Variants in SLC46A1 observed in about 807,000 individuals in gnomAD.
The protein encoded by SLC46A1 is solute carrier family 46 member 1, also known as proton-coupled folate transporter.
A neutral mutation model predicts 32.1 loss-of-function variants in SLC46A1; 17 were observed. The ratio of observed to expected loss-of-function variants is 0.53; its 90% confidence interval spans 0.36 to 0.79. The LOEUF (loss-of-function observed/expected upper bound fraction) is 0.79, where lower values mean the gene tolerates loss of function less well. Among genes scored for constraint, SLC46A1 ranks in the 30% least tolerant of loss-of-function variants. The probability of loss-of-function intolerance (pLI) is 0.00; values close to 1 mark genes in which losing one functional copy is unlikely to be tolerated. For missense variants in SLC46A1, 517 were observed against 588.2 expected, an observed-to-expected ratio of 0.88 and a Z score of 1.25; for synonymous variants, 240 against 262.7, an observed-to-expected ratio of 0.91 and a Z score of 0.84.
Position 28,402,259 on chromosome 17 carries a change from G to T in SLC46A1, c.1144C>A (p.Leu382Met), listed in dbSNP as rs782067170. ...TCACCCTGCTCTGTCTCTCTCACCAGCTTGGAGAGTTTAGCCCGGATGACA... is the reference window on the plus strand; with the variant it reads ...TCACCCTGCTCTGTCTCTCTCACCATCTTGGAGAGTTTAGCCCGGATGACA... ...TPVIRAKLSK[L>M]VRETEQGALF... Residue 382 changes from leucine to methionine, a missense_variant, in exon 3 of 5, where the codon CTG becomes ATG. Physicochemically the swap from Leu to Met is conservative, Grantham distance 15. Coordinates refer to ENST00000612814, the MANE Select transcript of SLC46A1 (RefSeq NM_080669.6). The T allele has an allele frequency of 3.1e-6, 5 of 1,613,544 alleles. No homozygotes were observed. In the Admixed American group the frequency reaches 8.3e-5, roughly 27 times the overall value.
chr17:28,404,167 G>C (rs540080798), intron 2 of SLC46A1: 1 of 163,212 alleles, frequency 6.1e-6, no homozygotes, highest in South Asian at 1.6e-4. Flanking sequence ...TTTCATATCT[G>C]TGGTCCGAGA....
intron 4 of SLC46A1, chr17:28,399,934 T>C (rs543888065): frequency 7.4e-6 from 4 of 539,678 alleles, no homozygotes; most frequent in African/African-American, 5.7e-5. Context: ...TGCTCTGTTG[T>C]CCAGGCTGGA....
chr17:28,396,021 T>C lies in SLC46A1; in HGVS notation c.*3635A>G, dbSNP rs782685680. Reference sequence around the variant, plus strand: ...TGCAGGCTGTGCTTACTTTCAACGGTATCAAGTGAGCCCCAGGGCCCTGGG... The same window carrying C: ...TGCAGGCTGTGCTTACTTTCAACGGCATCAAGTGAGCCCCAGGGCCCTGGG... On this transcript the variant is annotated 3_prime_UTR_variant, in exon 5 of 5. Transcript: ENST00000612814. The C allele has an allele frequency of 2.4e-5, 39 of 1,613,666 alleles. No individual in the cohort carries two copies. The highest frequency in any genetic ancestry group is 3.2e-5 in the Non-Finnish European group (38 of 1,179,814).
chr17:28,402,402 A>G, intron 2 of SLC46A1, 81 bp from the exon 3 acceptor site: 4 of 1,239,058 alleles, frequency 3.2e-6, no homozygotes, highest in African/African-American at 1.5e-5. Flanking sequence ...GCTCCTATCC[A>G]TACCCCACGT....
At chr17:28,405,726 A>T in intron 1 of SLC46A1, 161 bp downstream of exon 1, 2 of 981,356 alleles carry the variant, frequency 2.0e-6, no homozygotes, top group Non-Finnish European at 2.9e-6. Flanking sequence ...CCACCCGCTG[A>T]GGTTCTCGGT....
chr17:28,396,303 C>T lies in SLC46A1; in HGVS notation c.*3353G>A. 2 of 1,613,598 alleles carry T rather than the reference C, an allele frequency of 1.2e-6. No individual in the cohort carries two copies. The highest frequency in any genetic ancestry group is 1.7e-6 in the Non-Finnish European group (2 of 1,179,710). On this transcript the variant is annotated 3_prime_UTR_variant, in exon 5 of 5. Coordinates refer to ENST00000612814, the MANE Select transcript of SLC46A1 (RefSeq NM_080669.6). Reference sequence around the variant, plus strand: ...CCAACCTAACCAGTCCCCAGTTCCCCAGCCCTGCTGTGACTTCCATTTCCA... The same window carrying T: ...CCAACCTAACCAGTCCCCAGTTCCCTAGCCCTGCTGTGACTTCCATTTCCA...
In SLC46A1 at chr17:28,398,861, T is replaced by C. The variant is rs1318022271; in HGVS notation, c.*795A>G. ...TCTAGCCGTTCCTAGTGGGGCTTGC[T>C]CAAGGTTGCACAGCGAGTCAGTAGA... On this transcript the variant is annotated 3_prime_UTR_variant, in exon 5 of 5. Coordinates refer to ENST00000612814, the MANE Select transcript of SLC46A1 (RefSeq NM_080669.6). 2.6e-5 allele frequency: 4 copies of C among 152,230 alleles called. No individual in the cohort carries two copies. Among genetic ancestry groups the C allele is most frequent in the Non-Finnish European group, 5.9e-5 (4 of 68,070 alleles). 9.4% of individuals were successfully genotyped at this position (152,230 alleles called of 1,614,324 possible).
At chr17:28,404,275 T>C (rs1597834139) in intron 2 of SLC46A1, 10 of 332,926 alleles carry the variant, frequency 3.0e-5, no homozygotes, top group South Asian at 2.3e-4. Flanking sequence ...ATTAATGGCA[T>C]GGACTTTGTT....
At chr17:28,402,123 T>G in intron 3 of SLC46A1, 115 bp downstream of exon 3, 3 of 844,806 alleles carry the variant, frequency 3.6e-6, no homozygotes, top group Non-Finnish European at 5.5e-6. Flanking sequence ...GCCACTTACT[T>G]CTCCAGGGTG....
chr17:28,406,343 G>C, upstream of SLC46A1: 1 of 413,720 alleles, frequency 2.4e-6, no homozygotes, highest in Non-Finnish European at 4.2e-6. This position sits in a 1 kb window ranked among gnomAD's most constrained non-coding sequence, Gnocchi z 4.5. Context: ...CCCAGCCCGC[G>C]GGATGACCTC....
At position 28,399,794 on chromosome 17, in the gene SLC46A1, T is replaced by G. The variant is rs1016178605; in HGVS notation, c.1323-81A>C. 4 of 1,460,618 alleles carry G rather than the reference T, an allele frequency of 2.7e-6. No individual in the cohort carries two copies. The African/African-American group carries it at 5.6e-5, about 20-fold the overall frequency. 90.5% of individuals were successfully genotyped at this position (1,460,618 alleles called of 1,614,324 possible). On this transcript the variant is annotated intron_variant, in intron 4 of 4. Transcript: ENST00000612814. ...TCTGGAGAAGTGACACAGGATTTAC[T>G]GGGGTGGGCTGGTCCAGGTAGCTCT...
chr17:28,400,497 C>A, intron 4 of SLC46A1, 113 bp downstream of exon 4: 3 of 1,435,358 alleles, frequency 2.1e-6, no homozygotes, highest in Admixed American at 4.3e-5. Flanking sequence ...GGACAAGACA[C>A]CCAGAGGGTA....
intron 1 of SLC46A1, 193 bp from the exon 2 acceptor site, chr17:28,405,661 T>G (rs782383675): frequency 1.7e-4 from 168 of 975,534 alleles, no homozygotes; most frequent in Non-Finnish European, 2.3e-4. Context: ...TCCCTTTCCT[T>G]TCCCCCCCCT....
chr17:28,400,366 A>C (rs1354988500), intron 4 of SLC46A1: 1 of 515,714 alleles, frequency 1.9e-6, no homozygotes, highest in African/African-American at 1.9e-5. Flanking sequence ...TGGGAGAGAG[A>C]ACACAGCCTT....
Position 28,405,095 on chromosome 17 carries a change from T to C in SLC46A1, c.602A>G (p.His201Arg). Residue 201 changes from histidine to arginine, a missense_variant, in exon 2 of 5, where the codon CAC becomes CGC. Physicochemically the swap from His to Arg is conservative, Grantham distance 29. Coordinates refer to ENST00000612814, the MANE Select transcript of SLC46A1 (RefSeq NM_080669.6). ...GGCATAACCCTGGGCCCGGAGCCAG[T>C]GGCCCCCGAGGAGGCTTGCCAGCAT... ...AGMLASLLGG[H>R]WLRAQGYANP... 6.2e-7 allele frequency: 1 copy of C among 1,613,904 alleles called. No homozygotes were observed. The highest frequency in any genetic ancestry group is 8.5e-7 in the Non-Finnish European group (1 of 1,179,862).
chr17:28,400,854 G>T, intron 3 of SLC46A1, 88 bp from the exon 4 acceptor site: 1 of 1,224,294 alleles, frequency 8.2e-7, no homozygotes, highest in Non-Finnish European at 1.2e-6. Context: ...GTGACCGGGA[G>T]TAGTCACTTA....
In SLC46A1 at chr17:28,405,249, G is replaced by C; in HGVS notation, c.448C>G (p.Leu150Val). 1 of 1,588,370 alleles carries C rather than the reference G, an allele frequency of 6.3e-7. No homozygotes were observed. The highest frequency in any genetic ancestry group is 8.6e-7 in the Non-Finnish European group (1 of 1,167,976). ...CCGAAGTCGCCGAGGAGGGCACAAA[G>C]GATGCGACCCAGCACGAAGTAGCCG... Reference protein sequence around the residue: ...HVGYFVLGRILCALLGDFGGL... With the variant: ...HVGYFVLGRIVCALLGDFGGL... The change falls in exon 2 of 5, where the codon CTT becomes GTT. Residue 150 changes from leucine (L) to valine (V), a missense_variant. Transcript: ENST00000612814.
intron 4 of SLC46A1, 146 bp from the exon 5 acceptor site, chr17:28,399,859 T>C (rs1475744241): frequency 1.3e-6 from 1 of 779,246 alleles, no homozygotes; most frequent in Non-Finnish European, 2.2e-6. Context: ...AGCTGAGAGC[T>C]GGAGGACAAT....
At chr17:28,402,128 A>T (rs781695570) in intron 3 of SLC46A1, 110 bp downstream of exon 3, 39 of 890,916 alleles carry the variant, frequency 4.4e-5, no homozygotes, top group Non-Finnish European at 6.3e-5. Context: ...TTACTTCTCC[A>T]GGGTGAGAGG....
Sources: gnomAD v4.1 joint callset for allele counts on GRCh38, gnomAD v4.1.1 for gene constraint, Gnocchi (gnomAD v3.1) non-coding constraint, MANE v1.5 for transcripts, NCBI Gene and HGNC (gene_info 2026-07-23, HGNC 2026-07-21) for gene names.